The following MTMR1 variants were observed in gnomAD, a reference collection of about 807,000 sequenced individuals.
The protein encoded by MTMR1 is phosphatidylinositol-3-phosphate phosphatase MTMR1.
In MTMR1, 17 loss-of-function variants were observed where a neutral mutation model predicts 51.6. The observed-to-expected ratio is 0.33, with a 90% CI of 0.23 to 0.49. The LOEUF (loss-of-function observed/expected upper bound fraction) is 0.49, where lower values mean the gene tolerates loss of function less well. MTMR1 is among the 20% of genes least tolerant of loss of function. The pLI, the probability that MTMR1 is intolerant of heterozygous loss-of-function variation, is 0.99. For synonymous variants in MTMR1, 201 were observed against 205.6 expected (o/e 0.98, Z 0.19); for missense variants, 386 against 526.9 (o/e 0.73, Z 2.62).
chrX:150,714,796 G>T (rs1277100095), intron 3 of MTMR1, among the ~76,000 whole-genome samples: 2 of 111,784 alleles, frequency 1.8e-5, no homozygotes, highest in African/African-American at 6.5e-5. Context: ...CCTCCATCAC[G>T]GTAGGATTCT....
At chrX:150,706,671 G>A (rs191839269) in intron 2 of MTMR1, among the ~76,000 whole-genome samples, 4 of 112,019 alleles carry the variant, frequency 3.6e-5, no homozygotes, top group African/African-American at 1.3e-4. Flanking sequence ...ATTCAATATA[G>A]GGAAGATGTC....
At chrX:150,703,881 A>T (rs868964496) in intron 2 of MTMR1, among the ~76,000 whole-genome samples, 8 of 109,706 alleles carry the variant, frequency 7.3e-5, no homozygotes, top group South Asian at 7.8e-4. Context: ...CAGCAATTAA[A>T]TTTTTTTAAA....
At chrX:150,749,933 A>G (rs782758156) in intron 13 of MTMR1, among the ~76,000 whole-genome samples, 16 of 111,290 alleles carry the variant, frequency 1.4e-4, no homozygotes, top group Non-Finnish European at 2.4e-4. Flanking sequence ...CCTGGCCAAC[A>G]TGGTGAAACC....
rs1473429480 is a variant in MTMR1 at position 150,693,443 on chromosome X, G to T, written c.-88G>T. ...CTGAGGCGGGCGGGCGGTATAGAGCGGGCGGCAGGAGGCAAGCAGCGAAAC... is the reference window on the plus strand; with the variant it reads ...CTGAGGCGGGCGGGCGGTATAGAGCTGGCGGCAGGAGGCAAGCAGCGAAAC... On this transcript the variant is annotated 5_prime_UTR_variant, in exon 1 of 16. Coordinates refer to ENST00000445323, the MANE Select transcript of MTMR1 (RefSeq NM_001306144.3). 9.3e-6 allele frequency: 7 copies of T among 755,241 alleles called. No individual in the cohort carries two copies. The South Asian group carries it at 3.9e-4, about 42-fold the overall frequency. The allele number at this position is 755,241 out of a possible 1,213,427, so 62.2% of individuals were successfully genotyped here. A position where few individuals can be genotyped will look rare whatever the true frequency, so the allele number is the denominator to read the frequency against.
In MTMR1 at chrX:150,693,496, G is replaced by C; in HGVS notation, c.-35G>C. ...TCCCGGCCGCCGCTCCCGTCCCGACGGCGGCTTCCCCAAGGCGGCAGGACT... is the reference window on the plus strand; with the variant it reads ...TCCCGGCCGCCGCTCCCGTCCCGACCGCGGCTTCCCCAAGGCGGCAGGACT... On this transcript the variant is annotated 5_prime_UTR_variant, in exon 1 of 16. Coordinates refer to ENST00000445323, the MANE Select transcript of MTMR1 (RefSeq NM_001306144.3). 1 of 762,237 alleles carries C rather than the reference G, an allele frequency of 1.3e-6. No individual in the cohort carries two copies. The allele number at this position is 762,237 out of a possible 1,213,427, so 62.8% of individuals were successfully genotyped here. A position where few individuals can be genotyped will look rare whatever the true frequency, so the allele number is the denominator to read the frequency against.
At chrX:150,747,016 T>C (rs183836662) in intron 13 of MTMR1, among the ~76,000 whole-genome samples, 5 of 112,213 alleles carry the variant, frequency 4.5e-5, no homozygotes, top group Non-Finnish European at 7.5e-5. Flanking sequence ...CTAGTCTGTA[T>C]GTGAACAAAG....
At position 150,711,952 on chromosome X, in the gene MTMR1, CT is replaced by C. The variant is rs111849761; in HGVS notation, c.253-378del. Among the ~76,000 whole-genome samples the C allele has an allele frequency of 5.7e-3, 583 of 102,324 alleles. 3 individuals carry two copies. Among genetic ancestry groups the C allele is most frequent in the African/African-American group, 0.014 (408 of 28,334 alleles). 88.9% of individuals were successfully genotyped at this position (102,324 alleles called of 115,157 possible). On this transcript the variant is annotated intron_variant, in intron 2 of 15. Coordinates refer to ENST00000445323, the MANE Select transcript of MTMR1 (RefSeq NM_001306144.3). Reference sequence around the variant, plus strand: ...TGGGCTGGTTTGGGCATATAACTGCCTTTTTTTTTTTTATCATTGGTTTTTG... The same window carrying C: ...TGGGCTGGTTTGGGCATATAACTGCCTTTTTTTTTTTATCATTGGTTTTTG...
rs1376449076 is a variant in MTMR1, at chrX:150,763,445, C to G, written c.*716C>G. ...GCCTCTTGGGGCGGCTCAGCCCATT[C>G]ATGGGGATGGCACCAAGCGGCCATG... is the stretch of plus-strand genomic sequence containing the variant. On this transcript the variant is annotated 3_prime_UTR_variant, in exon 16 of 16. Transcript: ENST00000445323. 8.9e-5 allele frequency: 10 copies of G among 112,760 alleles called. No homozygotes were observed. The highest frequency in any genetic ancestry group is 2.9e-4 in the African/African-American group (9 of 31,019). The allele number at this position is 112,760 out of a possible 1,213,427, so 9.3% of individuals were successfully genotyped here. A position where few individuals can be genotyped will look rare whatever the true frequency, so the allele number is the denominator to read the frequency against.
At chrX:150,693,358 G>C, upstream of MTMR1, 1 of 602,452 alleles carries the variant, frequency 1.7e-6, no homozygotes, top group Non-Finnish European at 2.0e-6. Context: ...CCCGACCCCC[G>C]CGCGCGCGGC....
chrX:150,711,784 G>T (rs1353913792), intron 2 of MTMR1, among the ~76,000 whole-genome samples: 1 of 112,003 alleles, frequency 8.9e-6, no homozygotes, highest in Non-Finnish European at 1.9e-5. Context: ...TCCCCAGTAT[G>T]AATTGGAAAT....
intron 4 of MTMR1, among the ~76,000 whole-genome samples, chrX:150,720,472 A>G (rs1336407657): frequency 1.8e-5 from 2 of 111,785 alleles, no homozygotes; most frequent in Non-Finnish European, 3.8e-5. Context: ...ATTCTTTTTT[A>G]TTGCTGGATA....
chrX:150,722,644 A>G (rs1347589976), intron 4 of MTMR1, among the ~76,000 whole-genome samples: 2 of 111,016 alleles, frequency 1.8e-5, no homozygotes, highest in Non-Finnish European at 3.8e-5. Context: ...TAGGCCACAT[A>G]TAGTTGGTTC....
intron 15 of MTMR1, among the ~76,000 whole-genome samples, chrX:150,756,212 G>A (rs1473984064): frequency 9.0e-6 from 1 of 111,693 alleles, no homozygotes; most frequent in Non-Finnish European, 1.9e-5. Flanking sequence ...CTGTTTCCAC[G>A]TAGAGGTGGT....
At position 150,732,711 on chromosome X, in the gene MTMR1, G is replaced by T; in HGVS notation, c.1061G>T (p.Ser354Ile). The T allele has an allele frequency of 8.3e-7, 1 of 1,204,639 alleles. No homozygotes were observed. The highest frequency in any genetic ancestry group is 1.1e-6 in the Non-Finnish European group (1 of 891,280). ...ATCATCTTTGATGCTCGACAAAACAGTGTCGCTGATACCAACAAGGTATAT... is the reference window on the plus strand; with the variant it reads ...ATCATCTTTGATGCTCGACAAAACATTGTCGCTGATACCAACAAGGTATAT... ...KLIIFDARQNSVADTNKTKGG... is the reference protein window; with the variant it reads ...KLIIFDARQNIVADTNKTKGG... The change falls in exon 10 of 16, where the codon AGT (serine) becomes ATT (isoleucine). Residue 354 changes from serine to isoleucine, a missense_variant. Coordinates refer to ENST00000445323, the MANE Select transcript of MTMR1 (RefSeq NM_001306144.3).
chrX:150,759,411 G>T (rs1416609814), intron 15 of MTMR1, among the ~76,000 whole-genome samples: 1 of 109,477 alleles, frequency 9.1e-6, no homozygotes, highest in East Asian at 2.8e-4. Context: ...CGGGTGGTTG[G>T]TGGAGTGTCA....
At chrX:150,695,668 G>C (rs113126485) in intron 1 of MTMR1, among the ~76,000 whole-genome samples, 3,435 of 111,882 alleles carry the variant, frequency 0.031, 141 homozygotes, top group African/African-American at 0.11. Flanking sequence ...TATCAATTTT[G>C]AGATGCCAAT....
At chrX:150,716,384 T>C (rs1288834786) in intron 3 of MTMR1, among the ~76,000 whole-genome samples, 11 of 112,787 alleles carry the variant, frequency 9.8e-5, no homozygotes, top group Admixed American at 8.4e-4. Flanking sequence ...CATTTATAAG[T>C]ATACCTGTTA....
chrX:150,748,100 C>T (rs2042626699), intron 13 of MTMR1, among the ~76,000 whole-genome samples: 1 of 110,928 alleles, frequency 9.0e-6, no homozygotes, highest in Admixed American at 9.7e-5. Context: ...CAAGAGAGCT[C>T]TCTTGGGCTT....
rs1366110415 is a variant in MTMR1, at chrX:150,763,783, C to T, written c.*1054C>T. 1 of 112,914 alleles carries T rather than the reference C, an allele frequency of 8.9e-6. No homozygotes were observed. 9.3% of individuals were successfully genotyped at this position (112,914 alleles called of 1,213,427 possible). On this transcript the variant is annotated 3_prime_UTR_variant, in exon 16 of 16. Transcript: ENST00000445323. ...GTTTGGAAAAGCATAGCACGCACTT[C>T]CCTTGGTTTTCCCTTCCCAGAGCCG... is the stretch of plus-strand genomic sequence containing the variant.
Sources: gnomAD v4.1 joint callset for allele counts (sites outside exome capture counted in the v4.1 genomes callset) on GRCh38, gnomAD v4.1.1 for gene constraint, MANE v1.5 for transcripts, NCBI Gene and HGNC (gene_info 2026-07-23, HGNC 2026-07-21) for gene names.